Variants in NAALADL2 observed in about 807,000 individuals in gnomAD.
The protein encoded by NAALADL2 is inactive N-acetylated-alpha-linked acidic dipeptidase-like protein 2.
Under a neutral mutation model 87.2 loss-of-function variants are expected in NAALADL2, and 76 were observed. The observed-to-expected ratio is 0.87, with a 90% CI of 0.72 to 1.05. The LOEUF (loss-of-function observed/expected upper bound fraction) is 1.05. Ranked by LOEUF, NAALADL2 falls within the 50% of genes least tolerant of loss-of-function variation. NAALADL2 has a pLI of 0.00. For missense variants in NAALADL2, 1,089 were observed against 945.8 expected, an observed-to-expected ratio of 1.15 and a Z score of -1.99; for synonymous variants, 354 against 331.0, an observed-to-expected ratio of 1.07 and a Z score of -0.75.
At chr3:174,990,499 C>A (rs1226493880) in intron 1 of NAALADL2, among the ~76,000 whole-genome samples, 1 of 151,890 alleles carries the variant, frequency 6.6e-6, no homozygotes, top group Non-Finnish European at 1.5e-5. Flanking sequence ...TATAGAAGTT[C>A]TATAAAACAA....
At chr3:175,528,705 C>T (rs1168055804) in intron 9 of NAALADL2, among the ~76,000 whole-genome samples, 1 of 152,140 alleles carries the variant, frequency 6.6e-6, no homozygotes, top group Admixed American at 6.5e-5. Flanking sequence ...ACTGAAAATG[C>T]ACTAATCCCC....
chr3:175,504,221 C>T (rs897821277), intron 9 of NAALADL2, among the ~76,000 whole-genome samples: 6 of 152,110 alleles, frequency 3.9e-5, no homozygotes, highest in Admixed American at 1.3e-4. Context: ...TCAAAGAGGA[C>T]ATTTTATCAA....
intron 1 of NAALADL2, among the ~76,000 whole-genome samples, chr3:175,041,744 C>G (rs1246948930): frequency 6.6e-6 from 1 of 152,098 alleles, no homozygotes; most frequent in Non-Finnish European, 1.5e-5. Context: ...CTGTGTATAT[C>G]TATACCTGTG....
chr3:174,827,771 A>G (rs1445149819), intron 3 of NAALADL2, among the ~76,000 whole-genome samples: 1 of 152,210 alleles, frequency 6.6e-6, no homozygotes, highest in Non-Finnish European at 1.5e-5. Context: ...ATTAAGCTTT[A>G]CTGGACATGA....
intron 3 of NAALADL2, among the ~76,000 whole-genome samples, chr3:174,762,609 A>G (rs1379138738): frequency 6.6e-6 from 1 of 152,064 alleles, no homozygotes; most frequent in Non-Finnish European, 1.5e-5. Context: ...ATATTGAAAT[A>G]CTTGGAATTT....
intron 1 of NAALADL2, among the ~76,000 whole-genome samples, chr3:175,009,458 G>A (rs1263280937): frequency 6.6e-6 from 1 of 152,156 alleles, no homozygotes; most frequent in East Asian, 1.9e-4. Context: ...CAGGGACCAA[G>A]TGATGTAATC....
chr3:174,979,332 G>T (rs1220287153), intron 1 of NAALADL2, among the ~76,000 whole-genome samples: 4 of 127,906 alleles, frequency 3.1e-5, no homozygotes, highest in Non-Finnish European at 6.3e-5. Flanking sequence ...TTGAGACGGA[G>T]TCTCGCTCTG....
chr3:175,050,307 G>A (rs1013142669), intron 1 of NAALADL2, among the ~76,000 whole-genome samples: 19 of 151,994 alleles, frequency 1.3e-4, no homozygotes, highest in African/African-American at 4.4e-4. Context: ...TTGTTGCCCA[G>A]GCTGGAGTGC....
chr3:175,323,695 C>T (rs1001445873), intron 4 of NAALADL2, among the ~76,000 whole-genome samples: 30 of 149,946 alleles, frequency 2.0e-4, no homozygotes, highest in African/African-American at 7.3e-4. Context: ...AGCTTCTGGG[C>T]TTGATAGAAA....
upstream of NAALADL2, among the ~76,000 whole-genome samples, chr3:174,858,624 A>C (rs1456702565): frequency 6.6e-6 from 1 of 152,056 alleles, no homozygotes; most frequent in Non-Finnish European, 1.5e-5. Flanking sequence ...CTGGGACATC[A>C]ATGCTGCAGT....
At chr3:175,344,781 T>A (rs1417710060) in intron 5 of NAALADL2, among the ~76,000 whole-genome samples, 1 of 152,148 alleles carries the variant, frequency 6.6e-6, no homozygotes, top group Non-Finnish European at 1.5e-5. Flanking sequence ...TAATTTTTTA[T>A]CATTTGATGT....
chr3:174,738,086 A>G (rs1253195948), intron 3 of NAALADL2, among the ~76,000 whole-genome samples: 2 of 152,166 alleles, frequency 1.3e-5, no homozygotes, highest in Admixed American at 1.3e-4. Flanking sequence ...TTTTGGATTA[A>G]GTCAGCCTAG....
chr3:175,004,376 C>CAAAAAAAAAA (rs538715061), intron 1 of NAALADL2, among the ~76,000 whole-genome samples: 8 of 33,852 alleles, frequency 2.4e-4, no homozygotes, highest in Non-Finnish European at 3.8e-4. Context: ...GAGACTATTT[C>CAAAAAAAAAA]AAAAAAAAAA....
chr3:175,494,783 C>G (rs1169822380), intron 9 of NAALADL2, among the ~76,000 whole-genome samples: 1 of 151,880 alleles, frequency 6.6e-6, no homozygotes, highest in African/African-American at 2.4e-5. Flanking sequence ...TATATGTGTG[C>G]TTTTTTCTCA....
intron 10 of NAALADL2, among the ~76,000 whole-genome samples, chr3:175,621,140 T>G (rs1726177069): frequency 6.6e-6 from 1 of 152,200 alleles, no homozygotes; most frequent in African/African-American, 2.4e-5. Context: ...GCAGCTCGGT[T>G]TTCCGGCTTT....
intron 4 of NAALADL2, among the ~76,000 whole-genome samples, chr3:175,292,804 G>A (rs1325241428): frequency 3.3e-5 from 5 of 151,766 alleles, no homozygotes; most frequent in African/African-American, 4.9e-5. Flanking sequence ...TTGGGAGGCC[G>A]AGGTGGGTGG....
At chr3:175,324,354 T>C in intron 5 of NAALADL2, 29 bp downstream of exon 5, 1 of 1,582,568 alleles carries the variant, frequency 6.3e-7, no homozygotes. Context: ...ATTATTATAC[T>C]TGTAAGTAAG....
At chr3:175,429,381 C>G (rs749190558) in intron 5 of NAALADL2, among the ~76,000 whole-genome samples, 1 of 151,760 alleles carries the variant, frequency 6.6e-6, no homozygotes, top group Non-Finnish European at 1.5e-5. Flanking sequence ...TCTTTTGCAC[C>G]ACTCCAGTCA....
At chr3:175,072,688 CGGGGTGG>C (rs1715871745) in intron 1 of NAALADL2, among the ~76,000 whole-genome samples, 1 of 84,422 alleles carries the variant, frequency 1.2e-5, no homozygotes, top group Admixed American at 2.1e-4. Flanking sequence ...TATTGAAAAA[CGGGGTGG>C]GGGGAGGGGG....
Sources: gnomAD v4.1 joint callset for allele counts (sites outside exome capture counted in the v4.1 genomes callset) on GRCh38, gnomAD v4.1.1 for gene constraint, MANE v1.5 for transcripts, NCBI Gene and HGNC (gene_info 2026-07-23, HGNC 2026-07-21) for gene names.